Variants in ARHGAP15 observed in about 807,000 individuals in gnomAD.
ARHGAP15 encodes the protein rho GTPase-activating protein 15.
A neutral mutation model predicts 63.7 loss-of-function variants in ARHGAP15; 51 were observed. That is an observed-to-expected ratio of 0.80 (90% CI 0.64 to 1.01). ARHGAP15 has a LOEUF of 1.01. Ranked by LOEUF, ARHGAP15 falls within the 50% of genes least tolerant of loss-of-function variation. The pLI, the probability that ARHGAP15 is intolerant of heterozygous loss-of-function variation, is 0.00. For missense variants in ARHGAP15, 560 were observed against 564.6 expected, an observed-to-expected ratio of 0.99 and a Z score of 0.08; for synonymous variants, 191 against 193.8, an observed-to-expected ratio of 0.99 and a Z score of 0.12.
At chr2:143,739,478 C>T (rs1685878939) in intron 13 of ARHGAP15, among the ~76,000 whole-genome samples, 1 of 152,162 alleles carries the variant, frequency 6.6e-6, no homozygotes, top group Admixed American at 6.5e-5. Context: ...CTGAAGCAGG[C>T]AAGAAATAGC....
intron 1 of ARHGAP15, among the ~76,000 whole-genome samples, chr2:143,146,679 A>C (rs1224413658): frequency 6.6e-6 from 1 of 152,072 alleles, no homozygotes; most frequent in East Asian, 1.9e-4. Context: ...AGCAAGAGAG[A>C]ACTGATTTTT....
intron 6 of ARHGAP15, among the ~76,000 whole-genome samples, chr2:143,384,888 C>A (rs1687210837): frequency 6.6e-6 from 1 of 152,252 alleles, no homozygotes; most frequent in African/African-American, 2.4e-5. Flanking sequence ...AGCTTCAGTG[C>A]ATTCAGAGAA....
chr2:143,232,204 G>A (rs1246758270), intron 5 of ARHGAP15, among the ~76,000 whole-genome samples: 2 of 152,248 alleles, frequency 1.3e-5, no homozygotes, highest in South Asian at 2.1e-4. Flanking sequence ...ACATTAAATC[G>A]TAACTGACCA....
chr2:143,361,695 T>A (rs558270063), intron 6 of ARHGAP15, among the ~76,000 whole-genome samples: 1 of 152,226 alleles, frequency 6.6e-6, no homozygotes, highest in South Asian at 2.1e-4. Flanking sequence ...AAAAAAAAAA[T>A]TCTGCTTCCT....
chr2:143,256,943 A>T (rs1488756582), intron 6 of ARHGAP15, among the ~76,000 whole-genome samples: 1 of 152,160 alleles, frequency 6.6e-6, no homozygotes, highest in Non-Finnish European at 1.5e-5. Flanking sequence ...TGGAAAGTAC[A>T]TTCTGCAAAT....
chr2:143,356,427 C>CT (rs1195547431), intron 6 of ARHGAP15, among the ~76,000 whole-genome samples: 1 of 152,138 alleles, frequency 6.6e-6, no homozygotes, highest in East Asian at 1.9e-4. Context: ...CCACCATGAT[C>CT]TTTTATACTT....
intron 6 of ARHGAP15, among the ~76,000 whole-genome samples, chr2:143,407,639 C>G (rs1688257551): frequency 6.6e-6 from 1 of 151,688 alleles, no homozygotes. Flanking sequence ...TGTGTTCACT[C>G]TACCAGTAGG....
At chr2:143,299,450 AC>A (rs1368105810) in intron 6 of ARHGAP15, among the ~76,000 whole-genome samples, 2 of 152,104 alleles carry the variant, frequency 1.3e-5, no homozygotes, top group East Asian at 1.9e-4. Context: ...TTTATTGATG[AC>A]ATCTCATTAT....
chr2:143,349,420 G>A (rs1388994788), intron 6 of ARHGAP15, among the ~76,000 whole-genome samples: 1 of 152,090 alleles, frequency 6.6e-6, no homozygotes, highest in Admixed American at 6.6e-5. Context: ...GCCTATCCAT[G>A]GCATATATTA....
At chr2:143,588,580 G>A (rs1331054954) in intron 11 of ARHGAP15, among the ~76,000 whole-genome samples, 1 of 152,162 alleles carries the variant, frequency 6.6e-6, no homozygotes, top group Middle Eastern at 3.2e-3. Flanking sequence ...AGAACATGCA[G>A]TGTTTGGTTT....
intron 8 of ARHGAP15, among the ~76,000 whole-genome samples, chr2:143,446,734 C>T (rs1394039073): frequency 6.6e-6 from 1 of 151,234 alleles, no homozygotes. Context: ...CCCCTTAACT[C>T]GTCATCTAGC....
chr2:143,673,397 A>G (rs1190965587), intron 12 of ARHGAP15, among the ~76,000 whole-genome samples: 3 of 152,018 alleles, frequency 2.0e-5, no homozygotes, highest in African/African-American at 7.2e-5. Flanking sequence ...TCCTGGGTTC[A>G]AGCAATTCTC....
intron 12 of ARHGAP15, among the ~76,000 whole-genome samples, chr2:143,666,923 G>A (rs1358040730): frequency 2.2e-4 from 31 of 143,234 alleles, no homozygotes; most frequent in Admixed American, 4.1e-4. Context: ...GGAAACAACA[G>A]GTGCTGGAGA....
At chr2:143,239,587 C>T (rs1693779415) in intron 5 of ARHGAP15, among the ~76,000 whole-genome samples, 1 of 152,170 alleles carries the variant, frequency 6.6e-6, no homozygotes, top group Admixed American at 6.5e-5. Context: ...CCAAACCACT[C>T]ATTCAGCCAT....
At chr2:143,681,685 C>G (rs941789163) in intron 12 of ARHGAP15, among the ~76,000 whole-genome samples, 3 of 152,070 alleles carry the variant, frequency 2.0e-5, no homozygotes, top group African/African-American at 4.8e-5. Flanking sequence ...TATTTTTGTT[C>G]AGACAATATG....
chr2:143,265,713 C>A, intron 6 of ARHGAP15, among the ~76,000 whole-genome samples: 1 of 152,028 alleles, frequency 6.6e-6, no homozygotes, highest in South Asian at 2.1e-4. Flanking sequence ...ACATGCAATT[C>A]TTAGACTTGC....
At chr2:143,604,176 T>C (rs1356952080) in intron 11 of ARHGAP15, among the ~76,000 whole-genome samples, 2 of 152,224 alleles carry the variant, frequency 1.3e-5, no homozygotes, top group African/African-American at 4.8e-5. Flanking sequence ...ATTTCAGAAG[T>C]TGGAGGGACC....
chr2:143,208,841 A>G (rs1303940864), intron 3 of ARHGAP15, among the ~76,000 whole-genome samples: 2 of 152,122 alleles, frequency 1.3e-5, no homozygotes, highest in Non-Finnish European at 2.9e-5. Context: ...ATTTTTATCA[A>G]CAGAGTGTAA....
At chr2:143,313,706 C>T (rs1683554244) in intron 6 of ARHGAP15, among the ~76,000 whole-genome samples, 1 of 152,086 alleles carries the variant, frequency 6.6e-6, no homozygotes, top group East Asian at 1.9e-4. Context: ...TTTTGTGTGT[C>T]TGTTTTTTGA....
Sources: allele counts gnomAD v4.1 joint callset (sites outside exome capture counted in the v4.1 genomes callset), GRCh38; gene constraint gnomAD v4.1.1; transcripts MANE v1.5; gene names NCBI Gene and HGNC (gene_info 2026-07-23, HGNC 2026-07-21).